SPCS2: variants seen among roughly 807,000 people sequenced by gnomAD.
SPCS2 encodes signal peptidase complex subunit 2, also known as SPase 25 kDa subunit.
A neutral mutation model predicts 22.3 loss-of-function variants in SPCS2; 3 were observed. The observed-to-expected ratio is 0.13, with a 90% CI of 0.06 to 0.35. The LOEUF (loss-of-function observed/expected upper bound fraction) is 0.35, where lower values mean the gene tolerates loss of function less well. Among genes scored for constraint, SPCS2 ranks in the 10% least tolerant of loss-of-function variants. SPCS2 has a pLI of 1.00. For missense variants in SPCS2, 169 were observed against 280.9 expected, an observed-to-expected ratio of 0.60 and a Z score of 2.85; for synonymous variants, 67 against 97.2, an observed-to-expected ratio of 0.69 and a Z score of 1.83.
At chr11:74,952,086 T>A (rs1429458932) in intron 1 of SPCS2, among the ~76,000 whole-genome samples, 1 of 152,192 alleles carries the variant, frequency 6.6e-6, no homozygotes, top group Admixed American at 6.5e-5. Context: ...GTTTTGAGAC[T>A]GTGTAAAGTG....
In SPCS2 at chr11:74,978,039, T is replaced by A. The variant is rs140614202; in HGVS notation, c.*996T>A. The A allele has an allele frequency of 6.6e-6, 1 of 152,302 alleles. No individual in the cohort carries two copies. Among genetic ancestry groups the A allele is most frequent in the Non-Finnish European group, 1.5e-5 (1 of 68,020 alleles). The allele number at this position is 152,302 out of a possible 1,614,324, so 9.4% of individuals were successfully genotyped here. A position where few individuals can be genotyped will look rare whatever the true frequency, so the allele number is the denominator to read the frequency against. ...AACTGAGATACAAAAGTTAAATAAT[T>A]GTCACACAGCTAGTGATAGAACTGG... On this transcript the variant is annotated 3_prime_UTR_variant, in exon 5 of 5. Transcript: ENST00000263672.
intron 1 of SPCS2, among the ~76,000 whole-genome samples, chr11:74,959,722 G>C (rs1359067439): frequency 6.6e-6 from 1 of 151,962 alleles, no homozygotes; most frequent in Non-Finnish European, 1.5e-5. Context: ...CTCTTTTTTT[G>C]ATCCCACCCT....
chr11:74,970,561 C>A (rs1015718727), intron 4 of SPCS2, among the ~76,000 whole-genome samples: 1 of 152,196 alleles, frequency 6.6e-6, no homozygotes, highest in Non-Finnish European at 1.5e-5. Flanking sequence ...AATAGCCGCA[C>A]AAATTATAGG....
chr11:74,951,584 G>C (rs1433212857), intron 1 of SPCS2, among the ~76,000 whole-genome samples: 1 of 152,050 alleles, frequency 6.6e-6, no homozygotes, highest in Non-Finnish European at 1.5e-5. Context: ...GCCAAGGCAG[G>C]CGGATCACCT....
intron 1 of SPCS2, among the ~76,000 whole-genome samples, chr11:74,950,703 A>G (rs925690067): frequency 6.6e-6 from 1 of 151,932 alleles, no homozygotes; most frequent in Non-Finnish European, 1.5e-5. Context: ...TGCCTGACTA[A>G]TTTTTTTGCT....
At chr11:74,971,007 A>C (rs927031524) in intron 4 of SPCS2, among the ~76,000 whole-genome samples, 21 of 152,164 alleles carry the variant, frequency 1.4e-4, no homozygotes, top group African/African-American at 5.1e-4. Flanking sequence ...TACTCTAGCT[A>C]ATCACTTCCC....
chr11:74,951,531 C>T (rs1274746686), intron 1 of SPCS2, among the ~76,000 whole-genome samples: 1 of 151,996 alleles, frequency 6.6e-6, no homozygotes, highest in Non-Finnish European at 1.5e-5. Context: ...AGAGCCTCGG[C>T]CGGGCGCAGT....
chr11:74,965,945 G>A (rs370526869), intron 3 of SPCS2, 22 bp downstream of exon 3: 2 of 1,577,322 alleles, frequency 1.3e-6, no homozygotes, highest in African/African-American at 2.7e-5. Context: ...TTATGCTCAG[G>A]TTGTTTTCTA....
intron 4 of SPCS2, among the ~76,000 whole-genome samples, chr11:74,970,555 G>A (rs1037403596): frequency 3.9e-5 from 6 of 152,162 alleles, no homozygotes; most frequent in African/African-American, 1.4e-4. Context: ...GTGCATAATA[G>A]CCGCACAAAT....
intron 1 of SPCS2, among the ~76,000 whole-genome samples, chr11:74,957,933 C>A (rs1252557600): frequency 6.6e-6 from 1 of 152,170 alleles, no homozygotes; most frequent in Non-Finnish European, 1.5e-5. Context: ...GAAAAAAATA[C>A]TTCGTTGTTG....
intron 1 of SPCS2, among the ~76,000 whole-genome samples, chr11:74,954,849 T>C (rs1316029941): frequency 6.6e-6 from 1 of 152,218 alleles, no homozygotes; most frequent in Non-Finnish European, 1.5e-5. Context: ...ATCTAGACTA[T>C]ATAAAGAATT....
At position 74,978,807 on chromosome 11, in the gene SPCS2, A is replaced by T. The variant is rs551593089; in HGVS notation, c.*1764A>T. 4 of 152,322 alleles carry T rather than the reference A, an allele frequency of 2.6e-5. No homozygotes were observed. In the South Asian group the frequency reaches 8.3e-4, roughly 32 times the overall value. The allele number at this position is 152,322 out of a possible 1,614,324, so 9.4% of individuals were successfully genotyped here. On this transcript the variant is annotated 3_prime_UTR_variant, in exon 5 of 5. Transcript: ENST00000263672. ...GACACAAGGGTCTCGAGGCTTGCAG[A>T]TAGAGACTGAATAACCCTCTCCATG...
chr11:74,957,278 A>G (rs1020028352), intron 1 of SPCS2, among the ~76,000 whole-genome samples: 5 of 152,186 alleles, frequency 3.3e-5, no homozygotes, highest in Non-Finnish European at 7.4e-5. Flanking sequence ...ATGAATTGCT[A>G]TTGAGAGGCT....
chr11:74,972,891 TATA>T (rs1565488107), intron 4 of SPCS2, among the ~76,000 whole-genome samples: 1 of 76,768 alleles, frequency 1.3e-5, no homozygotes, highest in Non-Finnish European at 2.8e-5. Context: ...TATATATATA[TATA>T]TTTTTTTTTT....
At chr11:74,960,549 A>G (rs1208237239) in intron 1 of SPCS2, among the ~76,000 whole-genome samples, 1 of 149,510 alleles carries the variant, frequency 6.7e-6, no homozygotes, top group Non-Finnish European at 1.5e-5. Flanking sequence ...AGAGCTTGTT[A>G]GGAATCAAGA....
chr11:74,951,094 A>C (rs1454591427), intron 1 of SPCS2, among the ~76,000 whole-genome samples: 1 of 152,246 alleles, frequency 6.6e-6, no homozygotes, highest in East Asian at 1.9e-4. Context: ...GAATACTATT[A>C]TTATGGAATA....
intron 1 of SPCS2, among the ~76,000 whole-genome samples, chr11:74,956,407 A>G (rs963063279): frequency 6.6e-6 from 1 of 152,126 alleles, no homozygotes; most frequent in African/African-American, 2.4e-5. Context: ...TACCCCTCAA[A>G]GTGCTTCTCT....
intron 1 of SPCS2, among the ~76,000 whole-genome samples, chr11:74,964,765 A>G (rs773599685): frequency 5.3e-5 from 8 of 152,228 alleles, no homozygotes; most frequent in Non-Finnish European, 1.0e-4. Context: ...CATCAGCATC[A>G]CATGAGTACC....
Position 74,965,753 on chromosome 11 carries a change from T to G in SPCS2, c.199-10T>G. 4 of 1,610,762 alleles carry G rather than the reference T, an allele frequency of 2.5e-6. No homozygotes were observed. Among genetic ancestry groups the G allele is most frequent in the Non-Finnish European group, 3.4e-6 (4 of 1,177,706 alleles). Reference sequence around the variant, plus strand: ...TTCCTATTAGCTTGATTCCTTGTTTTTCTCACCAGGTACTTCTGGAAAAAT... The same window carrying G: ...TTCCTATTAGCTTGATTCCTTGTTTGTCTCACCAGGTACTTCTGGAAAAAT... On this transcript the variant is annotated splice_polypyrimidine_tract_variant and intron_variant, in intron 2 of 4. Transcript: ENST00000263672.
Sources: allele counts gnomAD v4.1 joint callset (sites outside exome capture counted in the v4.1 genomes callset), GRCh38; gene constraint gnomAD v4.1.1; transcripts MANE v1.5; gene names NCBI Gene and HGNC (gene_info 2026-07-23, HGNC 2026-07-21).